The following KSR2 variants were observed in gnomAD, a reference collection of about 807,000 sequenced individuals.
KSR2 encodes the protein kinase suppressor of ras 2.
In KSR2, 25 loss-of-function variants were observed where a neutral mutation model predicts 107.8. The ratio of observed to expected loss-of-function variants is 0.23; its 90% CI spans 0.17 to 0.32. The LOEUF is 0.32. Among genes scored for constraint, KSR2 ranks in the 10% least tolerant of loss-of-function variants. The probability of loss-of-function intolerance (pLI) is 1.00; values close to 1 mark genes in which losing one functional copy is unlikely to be tolerated. For missense variants in KSR2, 887 were observed against 1,268.9 expected (o/e 0.70, Z 4.57); for synonymous variants, 480 against 507.0 (o/e 0.95, Z 0.71).
In KSR2 at chr12:117,907,811, TA is replaced by T. The variant is rs1304432212; in HGVS notation, c.181-47381del. 6.6e-6 allele frequency among the ~76,000 whole-genome samples: 1 copy of T among 152,024 alleles called. No homozygotes were observed. Among genetic ancestry groups the T allele is most frequent in the Non-Finnish European group, 1.5e-5 (1 of 68,014 alleles). On this transcript the variant is annotated intron_variant, in intron 1 of 19. Coordinates refer to ENST00000339824, the MANE Select transcript of KSR2 (RefSeq NM_173598.6). This position sits in a 1 kb window ranked among gnomAD's most constrained non-coding sequence, Gnocchi z 4.3. ...TCTTTTTTCTTCCTATAAAGCTATA[TA>T]ATATGAGCTTCATAATCATCTTTTC... is the stretch of plus-strand genomic sequence containing the variant.
chr12:117,947,142 T>G (rs1896202545), intron 1 of KSR2, among the ~76,000 whole-genome samples: 1 of 146,110 alleles, frequency 6.8e-6, no homozygotes, highest in Non-Finnish European at 1.5e-5. Flanking sequence ...TACTCCAGCC[T>G]GGGTGACAGA....
chr12:117,646,107 T>C (rs1258489843), intron 5 of KSR2, among the ~76,000 whole-genome samples: 1 of 152,176 alleles, frequency 6.6e-6, no homozygotes, highest in Non-Finnish European at 1.5e-5. Context: ...GTTATGTACA[T>C]AGTTGTTATA....
rs145192916 is a variant in KSR2, at chr12:117,867,900, A to C, written c.181-7469T>G. 4.4e-3 allele frequency among the ~76,000 whole-genome samples: 669 copies of C among 152,302 alleles called. 3 individuals carry two copies. The highest frequency in any genetic ancestry group is 7.3e-3 in the Non-Finnish European group (495 of 68,032). Reference sequence around the variant, plus strand: ...ATACACCACCACATCAACGCATGAAAATCTGAATTTTTCTCCAAAGCCCAC... The same window carrying C: ...ATACACCACCACATCAACGCATGAACATCTGAATTTTTCTCCAAAGCCCAC... On this transcript the variant is annotated intron_variant, in intron 1 of 19. Coordinates refer to ENST00000339824, the MANE Select transcript of KSR2 (RefSeq NM_173598.6).
intron 7 of KSR2, among the ~76,000 whole-genome samples, chr12:117,573,488 G>A (rs944700947): frequency 6.7e-6 from 1 of 148,952 alleles, no homozygotes; most frequent in African/African-American, 2.5e-5. Context: ...ATATAGGCGT[G>A]TCTGACCGGC....
intron 10 of KSR2, among the ~76,000 whole-genome samples, chr12:117,535,347 G>A (rs1469350207): frequency 6.6e-6 from 1 of 152,196 alleles, no homozygotes; most frequent in Non-Finnish European, 1.5e-5. Context: ...AAGACACATT[G>A]CCTAGTCTCA....
intron 16 of KSR2, among the ~76,000 whole-genome samples, chr12:117,480,023 T>C (rs1296878997): frequency 4.0e-5 from 2 of 50,236 alleles, no homozygotes; most frequent in Non-Finnish European, 1.1e-4. Flanking sequence ...TCATTACACA[T>C]GTGTATGTGT....
intron 4 of KSR2, among the ~76,000 whole-genome samples, chr12:117,725,455 A>C (rs1302850099): frequency 6.6e-6 from 1 of 152,234 alleles, no homozygotes; most frequent in Non-Finnish European, 1.5e-5. Context: ...TTTTCAACAA[A>C]TGGTGCTGGA....
At chr12:117,843,948 T>A (rs889373415) in intron 3 of KSR2, among the ~76,000 whole-genome samples, 2 of 150,074 alleles carry the variant, frequency 1.3e-5, no homozygotes, top group Non-Finnish European at 3.0e-5. Context: ...TTTTTTTTTT[T>A]GAGCTTGTAC....
At chr12:117,697,935 T>C (rs919208667) in intron 4 of KSR2, among the ~76,000 whole-genome samples, 4 of 151,998 alleles carry the variant, frequency 2.6e-5, no homozygotes, top group African/African-American at 9.7e-5. Flanking sequence ...CCCATATGAC[T>C]GATGTCCCTA....
chr12:117,950,114 C>T (rs1896315369), intron 1 of KSR2, among the ~76,000 whole-genome samples: 1 of 151,968 alleles, frequency 6.6e-6, no homozygotes, highest in Non-Finnish European at 1.5e-5. Context: ...GCTGGGATTA[C>T]AGGCACGTAC....
intron 3 of KSR2, among the ~76,000 whole-genome samples, chr12:117,766,379 C>T (rs1241752369): frequency 6.6e-6 from 1 of 152,066 alleles, no homozygotes; most frequent in African/African-American, 2.4e-5. Context: ...TTCGTGGTTG[C>T]CAGGAGCTGG....
At chr12:117,525,253 G>A in intron 13 of KSR2, 34 bp from the exon 14 acceptor site, 2 of 1,537,206 alleles carry the variant, frequency 1.3e-6, no homozygotes, top group Non-Finnish European at 1.8e-6. Flanking sequence ...TCAGAATTGT[G>A]TCTGCCACTG....
At chr12:117,635,902 C>T (rs7134816) in intron 5 of KSR2, among the ~76,000 whole-genome samples, 24,995 of 151,900 alleles carry the variant, frequency 0.16, 2,147 homozygotes, top group Middle Eastern at 0.24. Context: ...AGCGATTCTC[C>T]CACCTCGGCC....
chr12:117,715,968 C>T lies in KSR2; in HGVS notation c.986+45043G>A, dbSNP rs1030596256. On this transcript the variant is annotated intron_variant, in intron 4 of 19. Transcript: ENST00000339824. ...ATGTCTTCTCTCTCCCTGGAACATG[C>T]TCCTCTATCCCCCCGACACCTCCAC... Among the ~76,000 whole-genome samples the T allele has an allele frequency of 2.0e-5, 3 of 152,192 alleles. No individual in the cohort carries two copies. The East Asian group carries it at 5.8e-4, about 29-fold the overall frequency.
intron 1 of KSR2, among the ~76,000 whole-genome samples, chr12:117,866,217 C>T (rs995206229): frequency 6.6e-6 from 1 of 151,604 alleles, no homozygotes; most frequent in African/African-American, 2.4e-5. Flanking sequence ...CACCACACCA[C>T]GCCTTTTTTA....
intron 4 of KSR2, among the ~76,000 whole-genome samples, chr12:117,743,136 G>A (rs924838790): frequency 8.5e-5 from 13 of 152,160 alleles, no homozygotes; most frequent in African/African-American, 1.4e-4. Flanking sequence ...AATCCAATTC[G>A]CCAATCACCA....
intron 3 of KSR2, among the ~76,000 whole-genome samples, chr12:117,779,718 G>A (rs187143461): frequency 2.0e-5 from 3 of 152,220 alleles, no homozygotes; most frequent in African/African-American, 4.8e-5. Flanking sequence ...CTTTCCTGCC[G>A]CCTTGTGAAG....
rs567173947 is a variant in KSR2 at position 117,761,283 on chromosome 12, G to C, written c.714C>G (p.Pro238=). The change falls in exon 4 of 20, where the codon CCC becomes CCG. Residue 238 remains proline (P), a synonymous_variant. Transcript: ENST00000339824. ...AACGGTGGCCCGACTCCAGTGGCGG[G>C]GGCGGGCACAAGCCCGGGTAGGCGT... ...TVDAYPGLCP[P]PPLESGHRSL... is the part of the protein sequence containing the mutation. 311 of 1,519,860 alleles carry C rather than the reference G, an allele frequency of 2.0e-4. 5 individuals are homozygous for C. In the South Asian group the frequency reaches 2.9e-3, roughly 14 times the overall value. 94.1% of individuals were successfully genotyped at this position (1,519,860 alleles called of 1,614,324 possible). A position where few individuals can be genotyped will look rare whatever the true frequency, so the allele number is the denominator to read the frequency against.
At chr12:117,892,648 T>C (rs1411914178) in intron 1 of KSR2, among the ~76,000 whole-genome samples, 1 of 152,132 alleles carries the variant, frequency 6.6e-6, no homozygotes, top group Non-Finnish European at 1.5e-5. Flanking sequence ...ACCATTAATG[T>C]ATATATATCA....
Sources: allele counts gnomAD v4.1 joint callset (sites outside exome capture counted in the v4.1 genomes callset), GRCh38; gene constraint gnomAD v4.1.1; non-coding constraint Gnocchi (gnomAD v3.1); transcripts MANE v1.5; gene names NCBI Gene and HGNC (gene_info 2026-07-23, HGNC 2026-07-21).